DLC1: variants seen among roughly 807,000 people sequenced by gnomAD.
The protein encoded by DLC1 is rho GTPase-activating protein 7.
In DLC1, 54 loss-of-function variants were observed where a neutral mutation model predicts 140.3. The observed-to-expected ratio is 0.38, with a 90% CI of 0.31 to 0.48. The LOEUF (loss-of-function observed/expected upper bound fraction) is 0.48. Ranked by LOEUF, DLC1 falls within the 20% of genes least tolerant of loss-of-function variation. The probability of loss-of-function intolerance (pLI) is 0.96; values close to 1 mark genes in which losing one functional copy is unlikely to be tolerated. For missense variants in DLC1, 2,536 were observed against 1,907.0 expected (o/e 1.33, Z -6.14); for synonymous variants, 986 against 728.1 (o/e 1.35, Z -5.70).
At chr8:13,126,612 C>T (rs11781744) in intron 5 of DLC1, among the ~76,000 whole-genome samples, 4 of 152,082 alleles carry the variant, frequency 2.6e-5, no homozygotes, top group African/African-American at 9.6e-5. Context: ...AAATGAAGCA[C>T]GTGTTTTAAG....
At chr8:13,506,070 T>C (rs1802049539) in intron 1 of DLC1, among the ~76,000 whole-genome samples, 1 of 144,170 alleles carries the variant, frequency 6.9e-6, no homozygotes, top group Admixed American at 6.9e-5. Context: ...TGTGTATATA[T>C]AAAGCAGTCC....
At chr8:13,357,187 C>G (rs1159790587) in intron 4 of DLC1, among the ~76,000 whole-genome samples, 1 of 152,092 alleles carries the variant, frequency 6.6e-6, no homozygotes, top group South Asian at 2.1e-4. Context: ...CCAGGAATCG[C>G]TTGAACCTGG....
chr8:13,573,312 G>A (rs552320879), intron 1 of DLC1, among the ~76,000 whole-genome samples: 1 of 152,190 alleles, frequency 6.6e-6, no homozygotes, highest in South Asian at 2.1e-4. Context: ...TGCTGGTTTT[G>A]TATACTGCAA....
intron 1 of DLC1, among the ~76,000 whole-genome samples, chr8:13,561,821 G>T (rs1481854495): frequency 6.6e-6 from 1 of 152,152 alleles, no homozygotes; most frequent in East Asian, 1.9e-4. Context: ...TTAAAAATGG[G>T]TAAGGTTATT....
intron 5 of DLC1, among the ~76,000 whole-genome samples, chr8:13,283,532 T>A (rs1233155959): frequency 6.6e-6 from 1 of 152,198 alleles, no homozygotes; most frequent in African/African-American, 2.4e-5. Flanking sequence ...TCTTTCTTTT[T>A]TGAGACAAGA....
intron 4 of DLC1, among the ~76,000 whole-genome samples, chr8:13,388,539 T>C (rs1014515912): frequency 2.0e-5 from 3 of 152,020 alleles, no homozygotes; most frequent in African/African-American, 7.2e-5. Context: ...CATAAGAACT[T>C]AATAATTACT....
At chr8:13,566,832 C>G in intron 1 of DLC1, 1 of 953,280 alleles carries the variant, frequency 1.0e-6, no homozygotes, top group South Asian at 2.1e-5. Flanking sequence ...GCATGAGCGG[C>G]CCGCGTTGCC....
At chr8:13,361,004 G>C (rs1237090114) in intron 4 of DLC1, among the ~76,000 whole-genome samples, 1 of 152,044 alleles carries the variant, frequency 6.6e-6, no homozygotes, top group Non-Finnish European at 1.5e-5. Flanking sequence ...GTTGAGGCGG[G>C]CAGAATGTTT....
chr8:13,575,060 T>TTTCTG (rs1409396780), intron 1 of DLC1, among the ~76,000 whole-genome samples: 1 of 152,204 alleles, frequency 6.6e-6, no homozygotes, highest in African/African-American at 2.4e-5. Flanking sequence ...CATAGTTGAA[T>TTTCTG]TTCTGTTCTT....
chr8:13,465,352 A>G (rs1799882986), intron 2 of DLC1, among the ~76,000 whole-genome samples: 1 of 152,172 alleles, frequency 6.6e-6, no homozygotes, highest in Non-Finnish European at 1.5e-5. Context: ...TGTATCAGTT[A>G]TATTGATACC....
chr8:13,525,266 T>C (rs1156559114), intron 1 of DLC1, among the ~76,000 whole-genome samples: 1 of 152,220 alleles, frequency 6.6e-6, no homozygotes, highest in Non-Finnish European at 1.5e-5. Flanking sequence ...CATTGGGATA[T>C]TGTTATTTGG....
At chr8:13,420,940 A>G (rs1838294094) in intron 2 of DLC1, among the ~76,000 whole-genome samples, 1 of 152,130 alleles carries the variant, frequency 6.6e-6, no homozygotes, top group Non-Finnish European at 1.5e-5. Context: ...TTATAGGAGA[A>G]ACATCAGTTT....
chr8:13,158,691 A>G (rs1238592029), intron 5 of DLC1, among the ~76,000 whole-genome samples: 1 of 142,084 alleles, frequency 7.0e-6, no homozygotes, highest in African/African-American at 2.6e-5. Context: ...AAGGTTCCTC[A>G]GTAATCTTTA....
chr8:13,551,075 C>CACACTTTT (rs71207163), intron 1 of DLC1, among the ~76,000 whole-genome samples: 4 of 121,678 alleles, frequency 3.3e-5, no homozygotes, highest in African/African-American at 1.2e-4. Flanking sequence ...CACACACACA[C>CACACTTTT]TTTTTTTTTT....
intron 1 of DLC1, among the ~76,000 whole-genome samples, chr8:13,561,122 C>CTT (rs10635763): frequency 0.076 from 11,075 of 146,046 alleles, 585 homozygotes; most frequent in African/African-American, 0.13. Context: ...AGTGTTTTTC[C>CTT]TTTTTTTTTT....
chr8:13,336,276 A>G (rs925751032), intron 4 of DLC1, among the ~76,000 whole-genome samples: 4 of 151,990 alleles, frequency 2.6e-5, no homozygotes, highest in African/African-American at 9.7e-5. Flanking sequence ...AAAGTGCTTG[A>G]CCCCAAGACA....
At chr8:13,131,701 T>C (rs1449325401) in intron 5 of DLC1, among the ~76,000 whole-genome samples, 2 of 152,160 alleles carry the variant, frequency 1.3e-5, no homozygotes, top group Non-Finnish European at 2.9e-5. Flanking sequence ...TTGCATGAGC[T>C]CATTTGATCC....
chr8:13,471,574 C>G (rs185237068), intron 2 of DLC1, among the ~76,000 whole-genome samples: 4 of 151,550 alleles, frequency 2.6e-5, no homozygotes, highest in African/African-American at 9.7e-5. Context: ...GGAAAAATAG[C>G]GAATGGGTAC....
intron 5 of DLC1, among the ~76,000 whole-genome samples, chr8:13,175,446 C>A (rs1212615186): frequency 6.6e-6 from 1 of 151,930 alleles, no homozygotes; most frequent in Non-Finnish European, 1.5e-5. Context: ...TGAAAGTTCA[C>A]CTTTTCTACC....
Sources: gnomAD v4.1 joint callset for allele counts (sites outside exome capture counted in the v4.1 genomes callset) on GRCh38, gnomAD v4.1.1 for gene constraint, MANE v1.5 for transcripts, NCBI Gene and HGNC (gene_info 2026-07-23, HGNC 2026-07-21) for gene names.